The following FRMD8 variants were observed in gnomAD, a reference collection of about 807,000 sequenced individuals.
The protein encoded by FRMD8 is FERM domain-containing protein 8.
FRMD8 carries 37 observed loss-of-function variants against 54.2 expected under a neutral mutation model. The observed-to-expected ratio is 0.68, with a 90% CI of 0.53 to 0.90. FRMD8 has a LOEUF of 0.90. FRMD8 is among the 40% of genes least tolerant of loss of function. The pLI is 0.00. For synonymous variants in FRMD8, 246 were observed against 286.9 expected (o/e 0.86, Z 1.44); for missense variants, 585 against 653.7 (o/e 0.89, Z 1.15).
rs1022918015 is a variant in FRMD8, at chr11:65,411,989, C to T, written c.*629C>T. 6.6e-6 allele frequency: 1 copy of T among 152,290 alleles called. No individual in the cohort carries two copies. Among genetic ancestry groups the T allele is most frequent in the African/African-American group, 2.4e-5 (1 of 41,460 alleles). The allele number at this position is 152,290 out of a possible 1,614,324, so 9.4% of individuals were successfully genotyped here. A position where few individuals can be genotyped will look rare whatever the true frequency, so the allele number is the denominator to read the frequency against. On this transcript the variant is annotated 3_prime_UTR_variant, in exon 11 of 11. Coordinates refer to ENST00000317568, the MANE Select transcript of FRMD8 (RefSeq NM_031904.5). ...ACGGTGAGGGCCCCCACCACACCTCCCTGGTTGAATCAGGAATGGAGGGAG... is the reference window on the plus strand; with the variant it reads ...ACGGTGAGGGCCCCCACCACACCTCTCTGGTTGAATCAGGAATGGAGGGAG...
upstream of FRMD8, chr11:65,383,311 C>G (rs940382762): frequency 3.3e-5 from 5 of 152,476 alleles, no homozygotes; most frequent in African/African-American, 4.8e-5. Flanking sequence ...GAAACAGGAC[C>G]TCCTACCTCC....
At chr11:65,376,906 C>G in the FRMD8 span, 1 of 1,614,068 alleles carries the variant, frequency 6.2e-7, no homozygotes, top group East Asian at 2.2e-5. Flanking sequence ...CCCTCAGCGT[C>G]AGGGCCCAGG....
At chr11:65,371,889 C>T in the FRMD8 span, among the ~76,000 whole-genome samples, 3 of 152,006 alleles carry the variant, frequency 2.0e-5, no homozygotes, top group Non-Finnish European at 2.9e-5. Context: ...GCTGAGATTA[C>T]AGGCATGAGC....
intron 3 of FRMD8, among the ~76,000 whole-genome samples, chr11:65,390,861 C>T (rs945261039): frequency 2.6e-5 from 4 of 152,270 alleles, no homozygotes; most frequent in Admixed American, 6.5e-5. Context: ...GGCTCTCCCA[C>T]GGCCGGAGGC....
At chr11:65,390,562 C>A (rs577245641) in intron 3 of FRMD8, among the ~76,000 whole-genome samples, 1 of 152,070 alleles carries the variant, frequency 6.6e-6, no homozygotes, top group South Asian at 2.1e-4. Flanking sequence ...TCTCCACCCC[C>A]TCCCCCCTGC....
chr11:65,397,038 G>A lies in FRMD8; in HGVS notation c.803+18G>A, dbSNP rs1024356086. The A allele has an allele frequency of 8.1e-6, 11 of 1,363,178 alleles. No homozygotes were observed. The highest frequency in any genetic ancestry group is 1.8e-4 in the Middle Eastern group (1 of 5,444). 84.4% of individuals were successfully genotyped at this position (1,363,178 alleles called of 1,614,324 possible). A position where few individuals can be genotyped will look rare whatever the true frequency, so the allele number is the denominator to read the frequency against. On this transcript the variant is annotated intron_variant, in intron 7 of 10. Coordinates refer to ENST00000317568, the MANE Select transcript of FRMD8 (RefSeq NM_031904.5). ...TTTTATGGGTAAGAGCCACAGCCCC[G>A]CGGTCCCCCACCCCCTCCGCAGGCT... is the stretch of plus-strand genomic sequence containing the variant.
At chr11:65,383,286 G>C (rs1855657233), upstream of FRMD8, 1 of 152,394 alleles carries the variant, frequency 6.6e-6, no homozygotes, top group South Asian at 2.1e-4. Context: ...CTTTCTCCCG[G>C]GTGGACAGAT....
At chr11:65,410,617 C>T (rs1856309013) in intron 10 of FRMD8, among the ~76,000 whole-genome samples, 1 of 152,094 alleles carries the variant, frequency 6.6e-6, no homozygotes, top group Non-Finnish European at 1.5e-5. Context: ...GGTGAAACCC[C>T]GTCTCTACTA....
chr11:65,379,353 G>T, the FRMD8 span: 2 of 1,603,694 alleles, frequency 1.2e-6, no homozygotes, highest in Admixed American at 3.3e-5. Context: ...ACACCTGTGT[G>T]TGCCCACTCA....
chr11:65,384,729 CAG>C (rs1184307121), upstream of FRMD8, among the ~76,000 whole-genome samples: 1 of 152,114 alleles, frequency 6.6e-6, no homozygotes, highest in Non-Finnish European at 1.5e-5. Flanking sequence ...TTTTTGGAGA[CAG>C]AGTCTCACTG....
chr11:65,389,279 G>C, intron 2 of FRMD8, 82 bp from the exon 3 acceptor site: 2 of 1,387,908 alleles, frequency 1.4e-6, no homozygotes, highest in South Asian at 2.4e-5. Flanking sequence ...CAGCCCCAGT[G>C]GGTGGTAGAG....
At chr11:65,407,414 A>G (rs115667087) in intron 10 of FRMD8, among the ~76,000 whole-genome samples, 4,028 of 151,478 alleles carry the variant, frequency 0.027, 214 homozygotes, top group African/African-American at 0.093. Context: ...ACCACGCCCA[A>G]CTAAGTTTTG....
rs61755084 is a variant in FRMD8 at position 65,411,339 on chromosome 11, C to T, written c.1374C>T (p.Gly458=). The T allele has an allele frequency of 3.3e-3, 5,296 of 1,602,190 alleles. 22 individuals carry two copies. The highest frequency in any genetic ancestry group is 4.1e-3 in the South Asian group (368 of 89,238). ...GGAGCTACACCGTGGTGCAGCCCGG[C>T]GACAGCCTGGAGCAGGGCTGAGGAC... ...GQGSYTVVQP[G]DSLEQG The change falls in exon 11 of 11, where the codon GGC becomes GGT. Residue 458 remains glycine, a synonymous_variant. Transcript: ENST00000317568.
upstream of FRMD8, among the ~76,000 whole-genome samples, chr11:65,386,353 C>A (rs1038468433): frequency 2.6e-5 from 4 of 152,206 alleles, no homozygotes; most frequent in African/African-American, 9.6e-5. Flanking sequence ...GCCCGAAGAC[C>A]CAGCGTGGGC....
rs2073800 is a variant in FRMD8 at position 65,393,658 on chromosome 11, C to T, written c.339C>T (p.Asp113=). 0.51 allele frequency: 817,713 copies of T among 1,604,806 alleles called. 221,080 individuals are homozygous for T. The highest frequency in any genetic ancestry group is 0.56 in the Non-Finnish European group (658,962 of 1,178,538). ...TGCTGCGCTTCACCAGTGCCCCAGA[C>T]GATGACGTGGCCATGGGTCAGTGCT... ...ELLLRFTSAP[D]DDVAMDEPFL... The change falls in exon 4 of 11, where the codon GAC becomes GAT. Residue 113 remains aspartate, a synonymous_variant. Transcript: ENST00000317568.
intron 9 of FRMD8, among the ~76,000 whole-genome samples, chr11:65,402,415 G>A (rs999352121): frequency 1.3e-4 from 19 of 151,584 alleles, no homozygotes; most frequent in African/African-American, 4.6e-4. Flanking sequence ...TCAATTGGCT[G>A]TACATGTGTG....
chr11:65,368,288 C>T, the FRMD8 span, among the ~76,000 whole-genome samples: 39 of 151,926 alleles, frequency 2.6e-4, no homozygotes, highest in Non-Finnish European at 5.0e-4. Context: ...GTTGGCCGGG[C>T]TGGTCTCAAA....
intron 1 of FRMD8, 52 bp from the exon 2 acceptor site, chr11:65,386,985 C>T: frequency 7.9e-6 from 12 of 1,512,766 alleles, no homozygotes; most frequent in Admixed American, 1.7e-5. Flanking sequence ...AGGAGACCTC[C>T]AGCCCCCCAT....
chr11:65,369,232 A>G, the FRMD8 span, among the ~76,000 whole-genome samples: 2 of 152,298 alleles, frequency 1.3e-5, no homozygotes, highest in Non-Finnish European at 2.9e-5. Context: ...CAAGGTTTCC[A>G]TAAGGAAGTG....
Sources: allele counts gnomAD v4.1 joint callset (sites outside exome capture counted in the v4.1 genomes callset), GRCh38; gene constraint gnomAD v4.1.1; transcripts MANE v1.5; gene names NCBI Gene and HGNC (gene_info 2026-07-23, HGNC 2026-07-21).